The following SENP6 variants were observed in gnomAD, a reference collection of about 807,000 sequenced individuals.
The protein encoded by SENP6 is SUMO specific peptidase 6.
Under a neutral mutation model 134.5 loss-of-function variants are expected in SENP6, and 41 were observed. The observed-to-expected ratio is 0.30, with a 90% CI of 0.24 to 0.40. The LOEUF is 0.40. Among genes scored for constraint, SENP6 ranks in the 10% least tolerant of loss-of-function variants. The probability of loss-of-function intolerance (pLI) is 1.00; values close to 1 mark genes in which losing one functional copy is unlikely to be tolerated. For missense variants in SENP6, 1,248 were observed against 1,312.5 expected (o/e 0.95, Z 0.76); for synonymous variants, 395 against 429.8 (o/e 0.92, Z 1.00).
At chr6:75,619,348 G>C (rs1768090116) in intron 1 of SENP6, among the ~76,000 whole-genome samples, 1 of 151,692 alleles carries the variant, frequency 6.6e-6, no homozygotes, top group Non-Finnish European at 1.5e-5. Context: ...TTTGCATCTG[G>C]CTTATTTCAC....
At chr6:75,651,639 A>G (rs1420107543) in intron 7 of SENP6, among the ~76,000 whole-genome samples, 1 of 152,148 alleles carries the variant, frequency 6.6e-6, no homozygotes, top group East Asian at 1.9e-4. Flanking sequence ...GGTTTGGGCC[A>G]CTGCTCTGGC....
At chr6:75,690,019 G>A (rs576747367) in intron 16 of SENP6, among the ~76,000 whole-genome samples, 7 of 152,090 alleles carry the variant, frequency 4.6e-5, no homozygotes, top group African/African-American at 7.2e-5. Context: ...TCAAGTGATC[G>A]TCCTGCCTCA....
chr6:75,640,668 T>C lies in SENP6; in HGVS notation c.459-16T>C. ...GGTCTTGCCTCTTATATTTTTTTTC[T>C]TTTTCATGTTTTAAGCAGTCTGGAC... On this transcript the variant is annotated splice_polypyrimidine_tract_variant and intron_variant, in intron 5 of 23. Transcript: ENST00000447266. The C allele has an allele frequency of 2.0e-6, 3 of 1,519,578 alleles. No individual in the cohort carries two copies. Among genetic ancestry groups the C allele is most frequent in the South Asian group, 1.4e-5 (1 of 73,550 alleles). 94.1% of individuals were successfully genotyped at this position (1,519,578 alleles called of 1,614,324 possible). A position where few individuals can be genotyped will look rare whatever the true frequency, so the allele number is the denominator to read the frequency against.
intron 10 of SENP6, among the ~76,000 whole-genome samples, chr6:75,667,657 G>A (rs1772349501): frequency 6.6e-6 from 1 of 152,136 alleles, no homozygotes; most frequent in African/African-American, 2.4e-5. Flanking sequence ...GATCTTTTGG[G>A]AAAGAAATGT....
chr6:75,631,175 A>G (rs1368517671), intron 3 of SENP6, among the ~76,000 whole-genome samples: 1 of 152,122 alleles, frequency 6.6e-6, no homozygotes, highest in Non-Finnish European at 1.5e-5. Flanking sequence ...TAACATACAT[A>G]TGTCTCTAAC....
chr6:75,603,427 A>G (rs1223987165), intron 1 of SENP6, among the ~76,000 whole-genome samples: 1 of 152,224 alleles, frequency 6.6e-6, no homozygotes, highest in East Asian at 1.9e-4. Flanking sequence ...CTATGGGTTC[A>G]GTGTTTACAC....
Position 75,602,400 on chromosome 6 carries a change from G to T in SENP6, c.-125G>T. 8.7e-7 allele frequency: 1 copy of T among 1,148,816 alleles called. No homozygotes were observed. The highest frequency in any genetic ancestry group is 2.6e-5 in the East Asian group (1 of 38,902). 71.2% of individuals were successfully genotyped at this position (1,148,816 alleles called of 1,614,324 possible). Reference sequence around the variant, plus strand: ...CTGAACGTGGGAGCGCAGCCCGCCTGACGGCTGAGCCCGAGGCCCGCAACC... The same window carrying T: ...CTGAACGTGGGAGCGCAGCCCGCCTTACGGCTGAGCCCGAGGCCCGCAACC... On this transcript the variant is annotated 5_prime_UTR_variant, in exon 1 of 24. Transcript: ENST00000447266.
At chr6:75,696,051 A>G in intron 17 of SENP6, 128 bp downstream of exon 17, 2 of 813,832 alleles carry the variant, frequency 2.5e-6, no homozygotes, top group South Asian at 2.5e-5. Flanking sequence ...TTCTCCAGCC[A>G]GGAAGAGAAC....
chr6:75,655,762 A>C (rs1274143795), intron 7 of SENP6, among the ~76,000 whole-genome samples: 1 of 152,170 alleles, frequency 6.6e-6, no homozygotes, highest in South Asian at 2.1e-4. Flanking sequence ...ATTAAGAATA[A>C]AGCTGCTATG....
intron 7 of SENP6, among the ~76,000 whole-genome samples, 154 bp downstream of exon 7, chr6:75,647,955 A>G (rs1770586628): frequency 6.6e-6 from 1 of 152,220 alleles, no homozygotes; most frequent in African/African-American, 2.4e-5. Flanking sequence ...AATTTCTTCA[A>G]TGGTAACCTG....
At chr6:75,713,618 G>A in intron 22 of SENP6, 37 bp downstream of exon 22, 1 of 1,599,018 alleles carries the variant, frequency 6.3e-7, no homozygotes, top group East Asian at 2.2e-5. Context: ...TGATGGGGAT[G>A]AAGAACTATG....
intron 7 of SENP6, among the ~76,000 whole-genome samples, chr6:75,652,417 ATAT>A (rs1376217127): frequency 1.3e-5 from 2 of 152,030 alleles, no homozygotes; most frequent in African/African-American, 4.8e-5. Flanking sequence ...GACATTTAAA[ATAT>A]TATTACTGTA....
At chr6:75,711,570 T>G (rs1775747459) in intron 21 of SENP6, among the ~76,000 whole-genome samples, 154 bp downstream of exon 21, 1 of 152,212 alleles carries the variant, frequency 6.6e-6, no homozygotes, top group African/African-American at 2.4e-5. Context: ...ATCTAGGGAT[T>G]AAAATGGGAA....
chr6:75,679,228 A>G (rs1317338226), intron 16 of SENP6: 1 of 237,186 alleles, frequency 4.2e-6, no homozygotes, highest in Non-Finnish European at 8.0e-6. Context: ...AGCCTGGGAA[A>G]CAAAGTGAGA....
chr6:75,626,966 T>G (rs1768743254), intron 3 of SENP6, among the ~76,000 whole-genome samples: 1 of 152,110 alleles, frequency 6.6e-6, no homozygotes, highest in Non-Finnish European at 1.5e-5. Flanking sequence ...GAAATTTATT[T>G]TATTTATTTA....
At chr6:75,663,603 T>C (rs1771945535) in intron 9 of SENP6, 85 bp downstream of exon 9, 1 of 942,238 alleles carries the variant, frequency 1.1e-6, no homozygotes, top group East Asian at 2.7e-5. Context: ...CCCAACCCCA[T>C]ATATATTTTT....
chr6:75,604,582 G>C (rs998165864), intron 1 of SENP6, among the ~76,000 whole-genome samples: 1 of 150,172 alleles, frequency 6.7e-6, no homozygotes, highest in African/African-American at 2.5e-5. Context: ...CAGTGATAGC[G>C]CCACTGCACT....
intron 16 of SENP6, among the ~76,000 whole-genome samples, chr6:75,682,504 T>G (rs1168324754): frequency 6.6e-6 from 1 of 152,050 alleles, no homozygotes; most frequent in African/African-American, 2.4e-5. Flanking sequence ...TTGCTGTACC[T>G]ATCAACTCAT....
rs2275114 is a variant in SENP6, at chr6:75,647,652, T to C, written c.480-79T>C. ...CTATGATTTGCTTTTAATAGGCTTA[T>C]TGTAAGTATGCCATTAACTTTTTCA... On this transcript the variant is annotated intron_variant, in intron 6 of 23. Transcript: ENST00000447266. 0.013 allele frequency: 11,702 copies of C among 904,376 alleles called. 543 individuals carry two copies. The East Asian group carries it at 0.15, about 11-fold the overall frequency. 56.0% of individuals were successfully genotyped at this position (904,376 alleles called of 1,614,324 possible).
Sources: allele counts gnomAD v4.1 joint callset (sites outside exome capture counted in the v4.1 genomes callset), GRCh38; gene constraint gnomAD v4.1.1; transcripts MANE v1.5; gene names NCBI Gene and HGNC (gene_info 2026-07-23, HGNC 2026-07-21).